MECR: variants seen among roughly 807,000 people sequenced by gnomAD.
MECR encodes mitochondrial trans-2-enoyl-CoA reductase.
MECR carries 37 observed loss-of-function variants against 49.1 expected under a neutral mutation model. That is an observed-to-expected ratio of 0.75 (90% confidence interval 0.58 to 0.99). The LOEUF is 0.99. Ranked by LOEUF, MECR falls within the 50% of genes least tolerant of loss-of-function variation. MECR has a pLI of 0.00. For missense variants in MECR, 470 were observed against 479.6 expected (o/e 0.98, Z 0.19); for synonymous variants, 198 against 191.1 (o/e 1.04, Z -0.30).
intron 3 of MECR, among the ~76,000 whole-genome samples, chr1:29,211,255 G>C (rs182654197): frequency 6.6e-6 from 1 of 152,260 alleles, no homozygotes; most frequent in Non-Finnish European, 1.5e-5. Context: ...TTTTTGTAGA[G>C]ATGGACTTTC....
rs568786413 is a variant in MECR, at chr1:29,211,595, G to A, written c.406+4410C>T. 2.6e-5 allele frequency among the ~76,000 whole-genome samples: 4 copies of A among 152,338 alleles called. No individual in the cohort carries two copies. The South Asian group carries it at 8.3e-4, about 32-fold the overall frequency. On this transcript the variant is annotated intron_variant, in intron 3 of 9. Transcript: ENST00000263702. ...TTGCATATATTCTCAGTTGAGTACT[G>A]CTGAGACATGCTAGGCAGTGACAAT... is the stretch of plus-strand genomic sequence containing the variant.
chr1:29,230,589 A>G, intron 1 of MECR, 142 bp downstream of exon 1: 1 of 1,092,452 alleles, frequency 9.2e-7, no homozygotes, highest in Non-Finnish European at 1.3e-6. Flanking sequence ...CTGACCTACC[A>G]AAAACGCCCT....
In MECR at chr1:29,193,305, C is replaced by A. The variant is rs1673244175; in HGVS notation, c.*717G>T. The A allele has an allele frequency of 5.4e-6, 1 of 186,350 alleles. No homozygotes were observed. Among genetic ancestry groups the A allele is most frequent in the Non-Finnish European group, 1.1e-5 (1 of 88,898 alleles). The allele number at this position is 186,350 out of a possible 1,614,324, so 11.5% of individuals were successfully genotyped here. A position where few individuals can be genotyped will look rare whatever the true frequency, so the allele number is the denominator to read the frequency against. On this transcript the variant is annotated 3_prime_UTR_variant, in exon 10 of 10. Transcript: ENST00000263702. The stretch of plus-strand genomic sequence containing the variant: ...TCCTGTGGTGGGTTTAACAGCAGCA[C>A]TCACTCTGCCTGCTAGATGCCAGTA...
chr1:29,221,937 A>G (rs150048042), intron 1 of MECR, among the ~76,000 whole-genome samples: 3 of 152,330 alleles, frequency 2.0e-5, no homozygotes, highest in African/African-American at 7.2e-5. Flanking sequence ...GGAGGGTGGT[A>G]TCACCCAAAT....
the MECR span, among the ~76,000 whole-genome samples, chr1:29,184,679 A>C: frequency 6.6e-6 from 1 of 152,166 alleles, no homozygotes; most frequent in Non-Finnish European, 1.5e-5. Flanking sequence ...GCTTGAACCC[A>C]GGTGGCAGAG....
At chr1:29,189,878 C>G (rs1299241492), downstream of MECR, among the ~76,000 whole-genome samples, 3 of 152,170 alleles carry the variant, frequency 2.0e-5, no homozygotes, top group Non-Finnish European at 2.9e-5. Flanking sequence ...TAAACTGCCA[C>G]GATTCCCTTT....
intron 3 of MECR, among the ~76,000 whole-genome samples, chr1:29,214,840 A>G (rs1321855719): frequency 6.6e-6 from 1 of 152,204 alleles, no homozygotes; most frequent in African/African-American, 2.4e-5. Flanking sequence ...CAATGGATGG[A>G]TAATACCTGC....
At chr1:29,181,852 G>C in the MECR span, 2 of 1,022,902 alleles carry the variant, frequency 2.0e-6, no homozygotes, top group African/African-American at 1.7e-5. Context: ...GGCAACGGGC[G>C]GGCGGCGGGA....
chr1:29,175,218 G>A, the MECR span, among the ~76,000 whole-genome samples: 1 of 151,344 alleles, frequency 6.6e-6, no homozygotes, highest in African/African-American at 2.4e-5. Context: ...TTCAAAACCA[G>A]GCTGGCCAAC....
At chr1:29,219,552 A>G (rs150131865) in intron 1 of MECR, among the ~76,000 whole-genome samples, 4 of 152,336 alleles carry the variant, frequency 2.6e-5, no homozygotes, top group Non-Finnish European at 4.4e-5. Flanking sequence ...ACAGAATTAT[A>G]CATCATGCTA....
At chr1:29,196,609 G>C (rs1012078799) in intron 7 of MECR, among the ~76,000 whole-genome samples, 1 of 152,288 alleles carries the variant, frequency 6.6e-6, no homozygotes, top group South Asian at 2.1e-4. Context: ...AATCACCTGA[G>C]GCCATGAAAT....
chr1:29,229,498 C>T (rs1301435897), intron 1 of MECR, among the ~76,000 whole-genome samples: 1 of 152,196 alleles, frequency 6.6e-6, no homozygotes, highest in East Asian at 1.9e-4. Context: ...GCCACCGTGC[C>T]CAGCTCTAGC....
At chr1:29,181,844 CAACGGGCGGGCGGCGGG>C in the MECR span, 1 of 1,090,888 alleles carries the variant, frequency 9.2e-7, no homozygotes, top group African/African-American at 1.6e-5. Context: ...GCGGCGGCGG[CAACGGGCGGGCGGCGGG>C]ACGGACGCAG....
intron 1 of MECR, among the ~76,000 whole-genome samples, chr1:29,225,447 C>T (rs1191722329): frequency 6.6e-6 from 1 of 152,110 alleles, no homozygotes; most frequent in Non-Finnish European, 1.5e-5. Flanking sequence ...TAACCCCCTT[C>T]TGGGTGTCCA....
the MECR span, among the ~76,000 whole-genome samples, chr1:29,180,289 T>C: frequency 6.6e-6 from 1 of 152,150 alleles, no homozygotes; most frequent in Admixed American, 6.5e-5. Context: ...ATGGTATGTA[T>C]ACAATAACGT....
At position 29,193,858 on chromosome 1, in the gene MECR, G is replaced by T; in HGVS notation, c.*164C>A. The stretch of plus-strand genomic sequence containing the variant: ...TTCAGACTTTATTAGATACCTTAAG[G>T]CTGGCCCTGGGGAAAACCGTGGCTG... On this transcript the variant is annotated 3_prime_UTR_variant, in exon 10 of 10. Coordinates refer to ENST00000263702, the MANE Select transcript of MECR (RefSeq NM_016011.5). The T allele has an allele frequency of 1.3e-6, 1 of 772,078 alleles. No homozygotes were observed. Among genetic ancestry groups the T allele is most frequent in the Non-Finnish European group, 2.1e-6 (1 of 485,790 alleles). The allele number at this position is 772,078 out of a possible 1,614,324, so 47.8% of individuals were successfully genotyped here.
chr1:29,171,838 T>C, the MECR span: 1 of 152,168 alleles, frequency 6.6e-6, no homozygotes, highest in African/African-American at 2.4e-5. Context: ...ATTCATACAG[T>C]ACCTCAATGA....
At chr1:29,212,425 A>G (rs1678246657) in intron 3 of MECR, among the ~76,000 whole-genome samples, 1 of 152,146 alleles carries the variant, frequency 6.6e-6, no homozygotes, top group African/African-American at 2.4e-5. Context: ...CAAAAGATAA[A>G]CAAAACAAAA....
chr1:29,210,773 G>C (rs992728181), intron 3 of MECR, among the ~76,000 whole-genome samples: 8 of 152,308 alleles, frequency 5.3e-5, no homozygotes, highest in Admixed American at 5.2e-4. Context: ...GTGTGACTTT[G>C]AATGATCACT....
Sources: gnomAD v4.1 joint callset for allele counts (sites outside exome capture counted in the v4.1 genomes callset) on GRCh38, gnomAD v4.1.1 for gene constraint, MANE v1.5 for transcripts, NCBI Gene and HGNC (gene_info 2026-07-23, HGNC 2026-07-21) for gene names.